Variants in TNNI3K observed in about 807,000 individuals in gnomAD.
TNNI3K encodes serine/threonine-protein kinase TNNI3K.
TNNI3K carries 140 observed loss-of-function variants against 114.5 expected under a neutral mutation model. The ratio of observed to expected loss-of-function variants is 1.22; its 90% CI spans 1.07 to 1.41. The LOEUF is 1.41. Among genes scored for constraint, TNNI3K ranks in the 40% most tolerant of loss-of-function variants. TNNI3K has a pLI of 0.00. For missense variants in TNNI3K, 1,125 were observed against 1,007.6 expected (o/e 1.12, Z -1.58); for synonymous variants, 347 against 347.5 (o/e 1.00, Z 0.02).
chr1:74,408,494 C>T (rs1171411806), intron 17 of TNNI3K, among the ~76,000 whole-genome samples: 1 of 152,198 alleles, frequency 6.6e-6, no homozygotes, highest in Non-Finnish European at 1.5e-5. Flanking sequence ...AATGTGGTTC[C>T]TGCACTCAGT....
chr1:74,418,597 G>A (rs148871015), intron 17 of TNNI3K, among the ~76,000 whole-genome samples: 52 of 151,996 alleles, frequency 3.4e-4, no homozygotes, highest in African/African-American at 1.1e-3. Context: ...AGCAAAGAGC[G>A]TTTCTAATTG....
rs200304395 is a variant in TNNI3K, at chr1:74,369,520, G to C, written c.1602G>C (p.Gln534His). 1.9e-6 allele frequency: 3 copies of C among 1,612,682 alleles called. No homozygotes were observed. Among genetic ancestry groups the C allele is most frequent in the African/African-American group, 1.3e-5 (1 of 74,896 alleles). Residue 534 changes from glutamine (Q) to histidine (H), a missense_variant, in exon 16 of 25, where the codon CAG becomes CAC. Gln to His is a conservative substitution (Grantham distance 24). Coordinates refer to ENST00000326637, the MANE Select transcript of TNNI3K (RefSeq NM_015978.3). ...FVGACLNDPSQFAIVTQYISG... is the reference protein window; with the variant it reads ...FVGACLNDPSHFAIVTQYISG... ...GTGCTTGCTTGAATGATCCCAGCCA[G>C]TTTGCCATTGTCACTCAATACATAT...
At chr1:74,486,201 A>AAGAGAGAGAGAGAGAG (rs58506314) in intron 21 of TNNI3K, among the ~76,000 whole-genome samples, 14,571 of 135,946 alleles carry the variant, frequency 0.11, 1,090 homozygotes, top group Non-Finnish European at 0.15. Context: ...AAATGCTATA[A>AAGAGAGAGAGAGAGAG]AGAGAGAGAG....
intron 5 of TNNI3K, among the ~76,000 whole-genome samples, chr1:74,289,660 A>G (rs913830013): frequency 2.6e-5 from 4 of 151,978 alleles, no homozygotes; most frequent in South Asian, 2.1e-4. Flanking sequence ...GCATGGAAAT[A>G]CTTCGAAATA....
chr1:74,482,094 G>A (rs1668533582), intron 21 of TNNI3K, among the ~76,000 whole-genome samples: 1 of 152,174 alleles, frequency 6.6e-6, no homozygotes, highest in African/African-American at 2.4e-5. Flanking sequence ...ATTCTGGCCA[G>A]TTCGGCATTT....
intron 21 of TNNI3K, among the ~76,000 whole-genome samples, chr1:74,485,087 A>G (rs1413343527): frequency 1.3e-5 from 2 of 152,204 alleles, no homozygotes; most frequent in African/African-American, 4.8e-5. Flanking sequence ...TAAATAAACC[A>G]TTGTATCAAA....
rs1254838834 is a variant in TNNI3K at position 74,356,648 on chromosome 1, CTTTG to C, written c.1177+2527_1177+2530del. ...GCAGCTATCTCTTCACAGAGGTTGG[CTTTG>C]TTTGTTTTTAGCTGATTGAGAGTGA... On this transcript the variant is annotated intron_variant, in intron 11 of 24. Transcript: ENST00000326637. Among the ~76,000 whole-genome samples, 10 of 152,220 alleles carry C rather than the reference CTTTG, an allele frequency of 6.6e-5. No homozygotes were observed. The East Asian group carries it at 1.4e-3, about 21-fold the overall frequency.
chr1:74,366,868 CTGTA>C (rs1389791249), intron 11 of TNNI3K: 1 of 159,456 alleles, frequency 6.3e-6, no homozygotes, highest in Non-Finnish European at 1.4e-5. Flanking sequence ...TTCCTGATTA[CTGTA>C]TGTACTTTTT....
intron 13 of TNNI3K, among the ~76,000 whole-genome samples, chr1:74,368,609 A>G (rs1323971209): frequency 6.6e-6 from 1 of 151,906 alleles, no homozygotes; most frequent in Non-Finnish European, 1.5e-5. Context: ...AACCTTTATC[A>G]TAATGTGATA....
chr1:74,302,461 A>C (rs184236827), intron 5 of TNNI3K, among the ~76,000 whole-genome samples: 1 of 152,366 alleles, frequency 6.6e-6, no homozygotes, highest in African/African-American at 2.4e-5. Context: ...ATATGTCAAA[A>C]GCTGAGATAG....
chr1:74,329,264 G>C (rs1184859114), intron 5 of TNNI3K, among the ~76,000 whole-genome samples: 2 of 152,032 alleles, frequency 1.3e-5, no homozygotes, highest in African/African-American at 4.8e-5. Flanking sequence ...ATGAAACAGA[G>C]TAGACTTTGA....
chr1:74,396,061 CT>C (rs930717525), intron 17 of TNNI3K, among the ~76,000 whole-genome samples: 4 of 152,126 alleles, frequency 2.6e-5, no homozygotes, highest in Non-Finnish European at 4.4e-5. Flanking sequence ...CATGCTCCCC[CT>C]TAAAGAGGAA....
At chr1:74,240,891 C>T (rs1266419217) in intron 2 of TNNI3K, 2 of 151,846 alleles carry the variant, frequency 1.3e-5, no homozygotes, top group Non-Finnish European at 2.9e-5. Context: ...ATTAACTCGT[C>T]ATTTAACATT....
intron 11 of TNNI3K, chr1:74,366,665 G>A (rs1175830497): frequency 6.6e-6 from 1 of 151,880 alleles, no homozygotes; most frequent in African/African-American, 2.4e-5. Flanking sequence ...GGCCACAGTT[G>A]GATGCAAGGT....
intron 4 of TNNI3K, among the ~76,000 whole-genome samples, chr1:74,251,576 T>A (rs1428701541): frequency 6.6e-6 from 1 of 152,250 alleles, no homozygotes; most frequent in Non-Finnish European, 1.5e-5. Context: ...TACAGTTGGC[T>A]CATTACTCCC....
intron 4 of TNNI3K, among the ~76,000 whole-genome samples, chr1:74,266,631 G>C (rs1656007931): frequency 6.6e-6 from 1 of 151,970 alleles, no homozygotes; most frequent in African/African-American, 2.4e-5. Flanking sequence ...TACTGAAATA[G>C]AGTTGAAATT....
At chr1:74,257,772 A>G (rs2100864328) in intron 4 of TNNI3K, among the ~76,000 whole-genome samples, 1 of 142,124 alleles carries the variant, frequency 7.0e-6, no homozygotes, top group Non-Finnish European at 1.5e-5. Context: ...GGTTCAAGCC[A>G]TTCTTCTGCC....
chr1:74,534,669 C>T (rs897967551), intron 23 of TNNI3K, among the ~76,000 whole-genome samples: 13 of 152,168 alleles, frequency 8.5e-5, no homozygotes, highest in African/African-American at 3.1e-4. Flanking sequence ...GATTAAATTA[C>T]ATAGAGTTTT....
At chr1:74,378,343 C>T (rs1009846793) in intron 17 of TNNI3K, among the ~76,000 whole-genome samples, 19 of 151,246 alleles carry the variant, frequency 1.3e-4, no homozygotes, top group Non-Finnish European at 2.7e-4. Context: ...TCTGCTGTAA[C>T]GATAGAGTCC....
Sources: gnomAD v4.1 joint callset for allele counts (sites outside exome capture counted in the v4.1 genomes callset) on GRCh38, gnomAD v4.1.1 for gene constraint, MANE v1.5 for transcripts, NCBI Gene and HGNC (gene_info 2026-07-23, HGNC 2026-07-21) for gene names.